The following IKZF2 variants were observed in gnomAD, a reference collection of about 807,000 sequenced individuals.
IKZF2 encodes IKAROS family zinc finger 2, also known as zinc finger protein Helios.
In IKZF2, 15 loss-of-function variants were observed where a neutral mutation model predicts 49.2. The ratio of observed to expected loss-of-function variants is 0.30; its 90% CI spans 0.20 to 0.47. IKZF2 has a LOEUF of 0.47. Ranked by LOEUF, IKZF2 falls within the 20% of genes least tolerant of loss-of-function variation. IKZF2 has a pLI of 1.00. For missense variants in IKZF2, 567 were observed against 664.6 expected, an observed-to-expected ratio of 0.85 and a Z score of 1.61; for synonymous variants, 227 against 221.4, an observed-to-expected ratio of 1.03 and a Z score of -0.23.
At chr2:213,063,648 G>A (rs757958175) in intron 4 of IKZF2, among the ~76,000 whole-genome samples, 10 of 151,952 alleles carry the variant, frequency 6.6e-5, no homozygotes, top group African/African-American at 9.7e-5. Flanking sequence ...CAGAATGACT[G>A]CATTGTAGGA....
At chr2:213,141,916 T>C (rs930968467) in intron 4 of IKZF2, among the ~76,000 whole-genome samples, 14 of 152,024 alleles carry the variant, frequency 9.2e-5, no homozygotes, top group Non-Finnish European at 1.6e-4. Context: ...TAATTGCATT[T>C]AAGCCTACTT....
intron 4 of IKZF2, among the ~76,000 whole-genome samples, chr2:213,060,049 T>C (rs1701534376): frequency 6.6e-6 from 1 of 151,338 alleles, no homozygotes; most frequent in Admixed American, 6.6e-5. Context: ...TACATTAAAT[T>C]TTGCATTTAC....
intron 4 of IKZF2, among the ~76,000 whole-genome samples, chr2:213,082,440 C>T (rs1559249818): frequency 6.6e-6 from 1 of 151,914 alleles, no homozygotes; most frequent in Non-Finnish European, 1.5e-5. Context: ...TATATTAATG[C>T]AAGAAATAAG....
intron 4 of IKZF2, among the ~76,000 whole-genome samples, chr2:213,142,367 T>C (rs1466756186): frequency 6.6e-6 from 1 of 151,984 alleles, no homozygotes; most frequent in Non-Finnish European, 1.5e-5. Flanking sequence ...TCCCTGGACC[T>C]GTGCAATATA....
intron 6 of IKZF2, among the ~76,000 whole-genome samples, chr2:213,033,497 A>G (rs1044467866): frequency 1.3e-5 from 2 of 152,242 alleles, no homozygotes; most frequent in Admixed American, 1.3e-4. Context: ...GAAAGTTTAA[A>G]TTAACCCTTG....
intron 3 of IKZF2, 73 bp from the exon 4 acceptor site, chr2:213,147,885 T>A (rs933094370): frequency 2.8e-6 from 3 of 1,086,132 alleles, no homozygotes; most frequent in East Asian, 2.3e-5. Flanking sequence ...CTTTGCTTTA[T>A]ACACGCAATG....
chr2:213,127,549 A>G (rs1200571721), intron 4 of IKZF2, among the ~76,000 whole-genome samples: 2 of 152,156 alleles, frequency 1.3e-5, no homozygotes, highest in African/African-American at 4.8e-5. Context: ...TGATCAATTA[A>G]GTTTGTAATT....
chr2:213,120,295 A>G (rs1007126635), intron 4 of IKZF2, among the ~76,000 whole-genome samples: 1 of 152,236 alleles, frequency 6.6e-6, no homozygotes, highest in African/African-American at 2.4e-5. Flanking sequence ...AGTGCTATAG[A>G]AATATGGGGA....
intron 5 of IKZF2, among the ~76,000 whole-genome samples, chr2:213,052,758 T>C (rs1288432044): frequency 6.6e-6 from 1 of 152,102 alleles, no homozygotes; most frequent in East Asian, 1.9e-4. Flanking sequence ...AAAAGTGAAT[T>C]GACTCAATTT....
chr2:213,072,567 C>T (rs1030611735), intron 4 of IKZF2, among the ~76,000 whole-genome samples: 1 of 152,028 alleles, frequency 6.6e-6, no homozygotes, highest in East Asian at 1.9e-4. Flanking sequence ...GGCAAAGATA[C>T]CTTTCTACAT....
intron 8 of IKZF2, 27 bp from the exon 9 acceptor site, chr2:213,008,111 GT>G: frequency 3.1e-5 from 40 of 1,274,786 alleles, no homozygotes; most frequent in South Asian, 1.8e-4. Context: ...GGTGAAAGAA[GT>G]AAAAAAAAAA....
intron 4 of IKZF2, among the ~76,000 whole-genome samples, chr2:213,119,841 A>T (rs574139134): frequency 6.2e-4 from 94 of 152,330 alleles, no homozygotes; most frequent in African/African-American, 1.6e-3. Context: ...CTTGAAGGAG[A>T]AGAAAAATAA....
At chr2:213,033,468 G>A (rs7602282) in intron 6 of IKZF2, among the ~76,000 whole-genome samples, 33,077 of 152,114 alleles carry the variant, frequency 0.22, 3,973 homozygotes, top group Non-Finnish European at 0.26. Context: ...TAAAATGTAT[G>A]TCTTAAGTAA....
At chr2:213,076,040 C>G (rs569051452) in intron 4 of IKZF2, among the ~76,000 whole-genome samples, 1 of 152,218 alleles carries the variant, frequency 6.6e-6, no homozygotes, top group African/African-American at 2.4e-5. Context: ...ACACTAATGA[C>G]TATGTTTTTA....
intron 2 of IKZF2, among the ~76,000 whole-genome samples, chr2:213,149,431 A>T (rs1189969714): frequency 1.3e-5 from 2 of 152,188 alleles, no homozygotes; most frequent in Non-Finnish European, 2.9e-5. Context: ...ACAAAAGTAA[A>T]CTGTATGAGA....
intron 7 of IKZF2, chr2:213,014,492 A>G (rs1377277351): frequency 1.3e-5 from 2 of 152,232 alleles, no homozygotes; most frequent in African/African-American, 4.8e-5. Flanking sequence ...AGAAGAGCCA[A>G]TTCTGAACAT....
chr2:213,013,990 T>C (rs1696274326), intron 7 of IKZF2, 56 bp from the exon 8 acceptor site: 2 of 1,551,650 alleles, frequency 1.3e-6, no homozygotes, highest in African/African-American at 1.4e-5. Flanking sequence ...TTTTGGATGA[T>C]ACAAAGCTGG....
chr2:213,033,515 G>A (rs1698694388), intron 6 of IKZF2, among the ~76,000 whole-genome samples: 1 of 152,176 alleles, frequency 6.6e-6, no homozygotes, highest in African/African-American at 2.4e-5. Flanking sequence ...TTGAGCGTGG[G>A]CTGAAGAATA....
At chr2:213,150,580 G>T (rs1429210205) in intron 1 of IKZF2, among the ~76,000 whole-genome samples, 1 of 149,720 alleles carries the variant, frequency 6.7e-6, no homozygotes. Context: ...CAGGAAAGAG[G>T]AAAAAAAAGA....
Sources: gnomAD v4.1 joint callset for allele counts (sites outside exome capture counted in the v4.1 genomes callset) on GRCh38, gnomAD v4.1.1 for gene constraint, MANE v1.5 for transcripts, NCBI Gene and HGNC (gene_info 2026-07-23, HGNC 2026-07-21) for gene names.